The following SYTL5 variants were observed in gnomAD, a reference collection of about 807,000 sequenced individuals.
The protein encoded by SYTL5 is synaptotagmin-like protein 5.
Under a neutral mutation model 55.9 loss-of-function variants are expected in SYTL5, and 34 were observed. The observed-to-expected ratio is 0.61, with a 90% confidence interval of 0.46 to 0.81. The LOEUF is 0.81. Among genes scored for constraint, SYTL5 ranks in the 30% least tolerant of loss-of-function variants. The pLI, the probability that SYTL5 is intolerant of heterozygous loss-of-function variation, is 0.00. For missense variants in SYTL5, 637 were observed against 546.7 expected, an observed-to-expected ratio of 1.17 and a Z score of -1.65; for synonymous variants, 221 against 188.7, an observed-to-expected ratio of 1.17 and a Z score of -1.40.
the SYTL5 span, among the ~76,000 whole-genome samples, chrX:37,975,258 T>G: frequency 9.0e-6 from 1 of 111,135 alleles, no homozygotes; most frequent in African/African-American, 3.3e-5. Flanking sequence ...TGTCATTGGC[T>G]GAGAGCTCCT....
chrX:38,089,329 T>G, intron 6 of SYTL5, 117 bp from the exon 7 acceptor site: 1 of 837,180 alleles, frequency 1.2e-6, no homozygotes, highest in Non-Finnish European at 1.7e-6. Context: ...GTGTGACTCT[T>G]GTGAACTCAG....
chrX:38,091,180 G>T (rs1936792264), intron 7 of SYTL5, among the ~76,000 whole-genome samples: 1 of 111,935 alleles, frequency 8.9e-6, no homozygotes, highest in Non-Finnish European at 1.9e-5. Flanking sequence ...GTAAGCCATT[G>T]TCATACCCCA....
At chrX:37,907,012 T>C in the SYTL5 span, among the ~76,000 whole-genome samples, 1 of 112,135 alleles carries the variant, frequency 8.9e-6, no homozygotes, top group East Asian at 2.8e-4. Flanking sequence ...AATGTTTCTG[T>C]GACTATTAAG....
At chrX:37,918,946 A>AGTGTGT in the SYTL5 span, among the ~76,000 whole-genome samples, 38 of 105,100 alleles carry the variant, frequency 3.6e-4, no homozygotes, top group African/African-American at 1.3e-3. Flanking sequence ...AGTGTGAGTG[A>AGTGTGT]GTGTGTGTGT....
chrX:37,909,159 C>G, the SYTL5 span, among the ~76,000 whole-genome samples: 1 of 109,793 alleles, frequency 9.1e-6, no homozygotes, highest in Non-Finnish European at 1.9e-5. Context: ...CACACACACA[C>G]TAAAACTTAA....
intron 7 of SYTL5, among the ~76,000 whole-genome samples, chrX:38,091,867 A>G (rs1308898992): frequency 9.0e-6 from 1 of 111,580 alleles, no homozygotes; most frequent in Admixed American, 9.5e-5. Flanking sequence ...TTTGTTAAAC[A>G]GCACCTAGAT....
intron 11 of SYTL5, among the ~76,000 whole-genome samples, chrX:38,107,523 C>T (rs1937249958): frequency 8.9e-6 from 1 of 111,761 alleles, no homozygotes; most frequent in Non-Finnish European, 1.9e-5. Flanking sequence ...AGAACCCGTT[C>T]AGCATAAGCC....
chrX:38,063,074 C>T (rs1209815066), intron 3 of SYTL5, among the ~76,000 whole-genome samples: 4 of 108,245 alleles, frequency 3.7e-5, no homozygotes, highest in Admixed American at 1.0e-4. Context: ...TCCATGATTC[C>T]TCATGGTATG....
At chrX:37,960,356 ATC>A in the SYTL5 span, among the ~76,000 whole-genome samples, 48,902 of 110,492 alleles carry the variant, frequency 0.44, 8,521 homozygotes, top group South Asian at 0.66. Flanking sequence ...TCTTCAAATC[ATC>A]TCTTTCCTCT....
In SYTL5 at chrX:38,102,357, A is replaced by T; in HGVS notation, c.1078A>T (p.Thr360Ser). 8.3e-7 allele frequency: 1 copy of T among 1,204,995 alleles called. No individual in the cohort carries two copies. The highest frequency in any genetic ancestry group is 1.1e-6 in the Non-Finnish European group (1 of 889,682). ...GALDKDSLEE[T>S]EESIDALVSS... Reference sequence around the variant, plus strand: ...TCTTTTTTAGGACTCCTTGGAAGAGACTGAAGAAAGCATTGATGCCTTAGT... The same window carrying T: ...TCTTTTTTAGGACTCCTTGGAAGAGTCTGAAGAAAGCATTGATGCCTTAGT... Residue 360 changes from threonine to serine, a missense_variant, in exon 10 of 17, where the codon ACT becomes TCT. Physicochemically the swap from Thr to Ser is moderately conservative, Grantham distance 58. Coordinates refer to ENST00000297875, the MANE Select transcript of SYTL5 (RefSeq NM_138780.3).
chrX:37,961,222 A>G, the SYTL5 span, among the ~76,000 whole-genome samples: 2 of 111,549 alleles, frequency 1.8e-5, no homozygotes. Context: ...CTATGGCAGA[A>G]TACCATAGAC....
the SYTL5 span, among the ~76,000 whole-genome samples, chrX:37,961,395 CT>C: frequency 0.35 from 35,415 of 100,500 alleles, 4,684 homozygotes; most frequent in East Asian, 0.59. Context: ...CTCTCTTCCT[CT>C]TTTTTTTTTT....
the SYTL5 span, chrX:37,939,633 T>A: frequency 1.8e-5 from 2 of 112,695 alleles, no homozygotes; most frequent in African/African-American, 6.4e-5. Context: ...TTAGTCAAGA[T>A]ACAGAAGCTT....
chrX:38,125,420 A>G lies in SYTL5; in HGVS notation c.1964A>G (p.Asn655Ser). ...GGCATCCATCCCCAGGATATAAAGA[A>G]TGTTTGCCTAGAACTTACTATCTGG... Reference protein sequence around the residue: ...FSGIHPQDIKNVCLELTIWDK... With the variant: ...FSGIHPQDIKSVCLELTIWDK... The change falls in exon 16 of 17, where the codon AAT (asparagine) becomes AGT (serine). Residue 655 changes from asparagine (N) to serine (S), a missense_variant. Transcript: ENST00000297875. 8.3e-7 allele frequency: 1 copy of G among 1,210,841 alleles called. No homozygotes were observed. The highest frequency in any genetic ancestry group is 1.1e-6 in the Non-Finnish European group (1 of 894,642).
chrX:37,963,509 C>T, the SYTL5 span, among the ~76,000 whole-genome samples: 1,479 of 111,224 alleles, frequency 0.013, 23 homozygotes, highest in African/African-American at 0.046. Context: ...AGGCTGGTGT[C>T]GGTCTCCTGA....
the SYTL5 span, among the ~76,000 whole-genome samples, chrX:37,926,972 CTT>C: frequency 1.8e-5 from 2 of 112,060 alleles, no homozygotes; most frequent in Admixed American, 9.5e-5. Context: ...TGTTCTCTCT[CTT>C]GTAGATAATT....
the SYTL5 span, among the ~76,000 whole-genome samples, chrX:37,976,367 G>A: frequency 8.9e-6 from 1 of 111,814 alleles, no homozygotes; most frequent in Non-Finnish European, 1.9e-5. Flanking sequence ...TTTCATGGGA[G>A]GGGAGAATGA....
At chrX:38,100,558 T>A (rs1387594710) in intron 9 of SYTL5, among the ~76,000 whole-genome samples, 1 of 110,855 alleles carries the variant, frequency 9.0e-6, no homozygotes, top group Non-Finnish European at 1.9e-5. Context: ...TTCAACTTAG[T>A]AATAAGAGAA....
the SYTL5 span, among the ~76,000 whole-genome samples, chrX:37,904,754 C>A: frequency 1.8e-5 from 2 of 110,712 alleles, no homozygotes; most frequent in African/African-American, 6.6e-5. Flanking sequence ...GGATATTGCC[C>A]ACTTTTTGAA....
Sources: gnomAD v4.1 joint callset for allele counts (sites outside exome capture counted in the v4.1 genomes callset) on GRCh38, gnomAD v4.1.1 for gene constraint, MANE v1.5 for transcripts, NCBI Gene and HGNC (gene_info 2026-07-23, HGNC 2026-07-21) for gene names.